The following ZNF519 variants were observed in gnomAD, a reference collection of about 807,000 sequenced individuals.
ZNF519 encodes zinc finger protein 519, also known as similar to Zinc finger protein 85 (Zinc finger protein HPF4) (HTF1).
Under a neutral mutation model 7.4 loss-of-function variants are expected in ZNF519, and 7 were observed. The ratio of observed to expected loss-of-function variants is 0.94; its 90% confidence interval spans 0.54 to 1.77. The LOEUF (loss-of-function observed/expected upper bound fraction) is 1.77. ZNF519 is among the 40% of genes most tolerant of loss of function. ZNF519 has a pLI of 0.00. For synonymous variants in ZNF519, 179 were observed against 203.3 expected (o/e 0.88, Z 1.02); for missense variants, 586 against 623.1 (o/e 0.94, Z 0.63).
In ZNF519 at chr18:14,105,821, T is replaced by A; in HGVS notation, c.719A>T (p.Asn240Ile). Residue 240 changes from asparagine to isoleucine, a missense_variant, in exon 3 of 3, where the codon AAT (asparagine) becomes ATT (isoleucine). Asn to Ile is a moderately radical substitution (Grantham distance 149). Transcript: ENST00000590202. ...ACTAAAGACTATTATACATTTTTTA[T>A]TACATCTTTGTGAGCTCTCTCCAAT... ...IYIGESSQRC[N>I]KKCIIVFSQS... 6.2e-7 allele frequency: 1 copy of A among 1,602,746 alleles called. No homozygotes were observed. Among genetic ancestry groups the A allele is most frequent in the Non-Finnish European group, 8.5e-7 (1 of 1,176,710 alleles).
In ZNF519 at chr18:14,102,327, C is replaced by T. The variant is rs1370933891; in HGVS notation, c.*2590G>A. The T allele has an allele frequency of 2.0e-5, 3 of 152,108 alleles. No homozygotes were observed. The highest frequency in any genetic ancestry group is 4.4e-5 in the Non-Finnish European group (3 of 68,064). The allele number at this position is 152,108 out of a possible 1,614,324, so 9.4% of individuals were successfully genotyped here. On this transcript the variant is annotated 3_prime_UTR_variant, in exon 3 of 3. Transcript: ENST00000590202. ...GGATTACAGGAGCCCACCACCACAC[C>T]CAGCTAATTTTTTGTATTTTTGGTA...
chr18:14,117,377 AT>A (rs781081704), intron 2 of ZNF519, among the ~76,000 whole-genome samples: 3 of 152,232 alleles, frequency 2.0e-5, no homozygotes, highest in Non-Finnish European at 4.4e-5. Context: ...ATGAGATACT[AT>A]TGTGCATTAA....
At chr18:14,071,732 T>C (rs1278346329), downstream of ZNF519, 1 of 152,100 alleles carries the variant, frequency 6.6e-6, no homozygotes, top group Non-Finnish European at 1.5e-5. Context: ...ATATGACCTG[T>C]ATTTGGTGTT....
intron 2 of ZNF519, among the ~76,000 whole-genome samples, chr18:14,088,906 AT>A (rs35453335): frequency 1.2e-4 from 19 of 152,150 alleles, no homozygotes; most frequent in African/African-American, 3.9e-4. Context: ...AAATAGTTTG[AT>A]TTTTTTAGGA....
chr18:14,091,340 AC>A (rs2046113541), intron 2 of ZNF519, among the ~76,000 whole-genome samples: 1 of 152,184 alleles, frequency 6.6e-6, no homozygotes, highest in Non-Finnish European at 1.5e-5. Context: ...AATCACCAGA[AC>A]ACTTCTCAGT....
chr18:14,079,355 T>G (rs955689895), intron 3 of ZNF519, among the ~76,000 whole-genome samples: 2 of 152,208 alleles, frequency 1.3e-5, no homozygotes, highest in African/African-American at 4.8e-5. Context: ...ATCTACATAT[T>G]CAGAGTAATT....
rs150326170 is a variant in ZNF519 at position 14,105,666 on chromosome 18, A to G, written c.874T>C (p.Tyr292His). The change falls in exon 3 of 3, where the codon TAC (tyrosine) becomes CAC (histidine). Residue 292 changes from tyrosine to histidine, a missense_variant. Tyr to His is a moderately conservative substitution (Grantham distance 83). Transcript: ENST00000590202. ...GCTTTGTCACATTTTTTACATTTGT[A>G]AGGTTTCTCTCCAGTATGAATTTTC... ...HQKIHTGEKP[Y>H]KCKKCDKAFN... The G allele has an allele frequency of 4.3e-5, 70 of 1,613,394 alleles. No homozygotes were observed. Among genetic ancestry groups the G allele is most frequent in the Non-Finnish European group, 5.8e-5 (69 of 1,179,884 alleles).
At chr18:14,110,672 A>G (rs2046215596) in intron 2 of ZNF519, among the ~76,000 whole-genome samples, 1 of 152,222 alleles carries the variant, frequency 6.6e-6, no homozygotes, top group African/African-American at 2.4e-5. Context: ...ATAATTCAAA[A>G]GTCAAGAAAA....
chr18:14,072,259 A>C (rs118178604), downstream of ZNF519: 2 of 152,342 alleles, frequency 1.3e-5, no homozygotes. Flanking sequence ...GATGGACATA[A>C]AAACACGTTT....
chr18:14,079,908 A>C (rs1335768408), intron 3 of ZNF519, among the ~76,000 whole-genome samples: 6 of 152,204 alleles, frequency 3.9e-5, no homozygotes, highest in Non-Finnish European at 8.8e-5. Flanking sequence ...TAACCATATA[A>C]TTTACCAAAA....
intron 4 of ZNF519, among the ~76,000 whole-genome samples, chr18:14,077,767 GATT>G (rs1567936634): frequency 6.6e-6 from 1 of 152,118 alleles, no homozygotes; most frequent in Non-Finnish European, 1.5e-5. Context: ...TGTCTTACTG[GATT>G]CTATGCTTCC....
intron 1 of ZNF519, among the ~76,000 whole-genome samples, chr18:14,128,724 C>CACACACAA (rs1482574287): frequency 1.4e-5 from 2 of 146,118 alleles, no homozygotes; most frequent in Admixed American, 1.4e-4. Context: ...CACACACACA[C>CACACACAA]AAAACCAAAT....
chr18:14,114,660 T>C (rs1454184807), intron 2 of ZNF519, among the ~76,000 whole-genome samples: 2 of 152,088 alleles, frequency 1.3e-5, no homozygotes, highest in African/African-American at 4.8e-5. Flanking sequence ...CTGGAAAGTA[T>C]AGTGGGGGGT....
downstream of ZNF519, among the ~76,000 whole-genome samples, chr18:14,098,095 C>T (rs2046144827): frequency 2.0e-5 from 3 of 152,122 alleles, no homozygotes; most frequent in Middle Eastern, 0.01. Flanking sequence ...GGTCTCCACA[C>T]TGTCCTCTAC....
At chr18:14,129,921 A>G (rs2046321402) in intron 1 of ZNF519, among the ~76,000 whole-genome samples, 1 of 152,222 alleles carries the variant, frequency 6.6e-6, no homozygotes, top group South Asian at 2.1e-4. Context: ...GATACAGCTC[A>G]GGAACAGCCA....
intron 2 of ZNF519, among the ~76,000 whole-genome samples, chr18:14,107,811 G>A (rs1443139891): frequency 2.0e-5 from 3 of 152,190 alleles, no homozygotes; most frequent in Non-Finnish European, 2.9e-5. Context: ...TGGGCCTGTG[G>A]TGATGGTAGC....
intron 1 of ZNF519, among the ~76,000 whole-genome samples, chr18:14,129,973 G>T (rs1484208298): frequency 6.6e-6 from 1 of 152,160 alleles, no homozygotes; most frequent in Non-Finnish European, 1.5e-5. Context: ...GGTGGTGAAA[G>T]CTGGGGCAGG....
At chr18:14,121,099 T>A (rs79907540) in intron 2 of ZNF519, among the ~76,000 whole-genome samples, 1 of 152,062 alleles carries the variant, frequency 6.6e-6, no homozygotes, top group Non-Finnish European at 1.5e-5. Flanking sequence ...ACAAACTGTA[T>A]GTTCTCAATT....
intron 1 of ZNF519, among the ~76,000 whole-genome samples, chr18:14,129,009 G>A (rs1471362071): frequency 6.6e-6 from 1 of 152,112 alleles, no homozygotes; most frequent in Non-Finnish European, 1.5e-5. Context: ...AAGAGGATTT[G>A]TGGGGAAGAA....
Sources: allele counts gnomAD v4.1 joint callset (sites outside exome capture counted in the v4.1 genomes callset), GRCh38; gene constraint gnomAD v4.1.1; transcripts MANE v1.5; gene names NCBI Gene and HGNC (gene_info 2026-07-23, HGNC 2026-07-21).